The following FBXW11 variants were observed in gnomAD, a reference collection of about 807,000 sequenced individuals.
FBXW11 encodes F-box/WD repeat-containing protein 11.
In FBXW11, 19 loss-of-function variants were observed where a neutral mutation model predicts 77.6. The ratio of observed to expected loss-of-function variants is 0.24; its 90% CI spans 0.17 to 0.36. The LOEUF is 0.36. FBXW11 is among the 10% of genes least tolerant of loss of function. The pLI, the probability that FBXW11 is intolerant of heterozygous loss-of-function variation, is 1.00. For synonymous variants in FBXW11, 235 were observed against 249.4 expected (o/e 0.94, Z 0.54); for missense variants, 334 against 704.2 (o/e 0.47, Z 5.95).
chr5:171,995,519 T>C (rs1229505775), intron 1 of FBXW11, among the ~76,000 whole-genome samples: 10 of 152,086 alleles, frequency 6.6e-5, no homozygotes, highest in East Asian at 3.9e-4. Flanking sequence ...TTTGGGAGGC[T>C]GAGGTGGGCG....
chr5:171,943,655 C>A (rs542086844), intron 2 of FBXW11, among the ~76,000 whole-genome samples: 2 of 152,194 alleles, frequency 1.3e-5, no homozygotes, highest in South Asian at 4.1e-4. Flanking sequence ...TTCACCAAGT[C>A]GGACAGGATG....
At chr5:171,986,159 G>A (rs1765428701) in intron 1 of FBXW11, among the ~76,000 whole-genome samples, 1 of 152,070 alleles carries the variant, frequency 6.6e-6, no homozygotes, top group Admixed American at 6.6e-5. Flanking sequence ...TATAATACCA[G>A]CACTTTGGGA....
At chr5:171,968,363 CAGG>C (rs899340366) in intron 1 of FBXW11, among the ~76,000 whole-genome samples, 3 of 150,928 alleles carry the variant, frequency 2.0e-5, no homozygotes, top group Non-Finnish European at 4.4e-5. Flanking sequence ...GAGGCTGAGG[CAGG>C]AGAATGGTGC....
intron 1 of FBXW11, among the ~76,000 whole-genome samples, chr5:171,991,988 G>A (rs571442184): frequency 2.5e-4 from 38 of 151,974 alleles, no homozygotes; most frequent in African/African-American, 7.7e-4. Context: ...GGTGGTGCAC[G>A]CCTGTAGTCC....
At chr5:171,868,345 G>A (rs1757544911) in intron 13 of FBXW11, among the ~76,000 whole-genome samples, 1 of 151,632 alleles carries the variant, frequency 6.6e-6, no homozygotes, top group Non-Finnish European at 1.5e-5. Context: ...TATGACCTAA[G>A]AAATCATTTA....
intron 1 of FBXW11, among the ~76,000 whole-genome samples, chr5:171,963,867 A>G (rs976524238): frequency 6.6e-6 from 1 of 152,200 alleles, no homozygotes; most frequent in Middle Eastern, 3.2e-3. Flanking sequence ...CAAAGAGTGT[A>G]AGCAGATAGT....
chr5:171,869,869 T>A lies in FBXW11; in HGVS notation c.1452-62A>T. Reference sequence around the variant, plus strand: ...GAACAATTTATATGCTGTCAAACATTTCCTTGAAAAAAAGTAGTGCATCTG... The same window carrying A: ...GAACAATTTATATGCTGTCAAACATATCCTTGAAAAAAAGTAGTGCATCTG... On this transcript the variant is annotated intron_variant, in intron 11 of 13. Coordinates refer to ENST00000517395, the MANE Select transcript of FBXW11 (RefSeq NM_001378974.1). This position sits in a 1 kb window ranked among gnomAD's most constrained non-coding sequence, Gnocchi z 4.1. 8.6e-7 allele frequency: 1 copy of A among 1,167,804 alleles called. No homozygotes were observed. Among genetic ancestry groups the A allele is most frequent in the Non-Finnish European group, 1.2e-6 (1 of 815,674 alleles). 72.3% of individuals were successfully genotyped at this position (1,167,804 alleles called of 1,614,324 possible). A position where few individuals can be genotyped will look rare whatever the true frequency, so the allele number is the denominator to read the frequency against.
At chr5:171,866,368 G>A (rs1757391723) in intron 13 of FBXW11, among the ~76,000 whole-genome samples, 1 of 152,168 alleles carries the variant, frequency 6.6e-6, no homozygotes, top group Non-Finnish European at 1.5e-5. Context: ...CACATTTGTG[G>A]TCTCACTGCT....
chr5:171,898,224 A>G (rs1759880139), intron 6 of FBXW11, among the ~76,000 whole-genome samples: 1 of 152,222 alleles, frequency 6.6e-6, no homozygotes, highest in Non-Finnish European at 1.5e-5. Context: ...CCTGGGGGAG[A>G]GGATTACTTC....
chr5:172,005,862 A>G (rs1271188611), intron 1 of FBXW11, among the ~76,000 whole-genome samples: 2 of 152,052 alleles, frequency 1.3e-5, no homozygotes, highest in African/African-American at 4.8e-5. Context: ...GCCGGACACC[A>G]CAAGGGCCCG....
chr5:171,959,505 A>T (rs1763784619), intron 1 of FBXW11, among the ~76,000 whole-genome samples: 1 of 152,094 alleles, frequency 6.6e-6, no homozygotes, highest in Admixed American at 6.5e-5. Flanking sequence ...TTTTCCATTA[A>T]GAAAAAAATT....
intron 1 of FBXW11, among the ~76,000 whole-genome samples, chr5:171,962,796 C>T (rs559853416): frequency 3.5e-4 from 53 of 152,292 alleles, no homozygotes; most frequent in African/African-American, 5.1e-4. Flanking sequence ...AAGCTAACTT[C>T]GGTCTGTTTT....
intron 1 of FBXW11, among the ~76,000 whole-genome samples, chr5:171,991,069 A>C (rs991053654): frequency 5.3e-5 from 8 of 151,970 alleles, no homozygotes; most frequent in African/African-American, 1.9e-4. Context: ...CAGGTGATCC[A>C]CCTGCCTCAG....
intron 6 of FBXW11, among the ~76,000 whole-genome samples, chr5:171,891,966 T>C (rs563532102): frequency 4.6e-5 from 7 of 152,174 alleles, no homozygotes; most frequent in African/African-American, 1.4e-4. Context: ...AAAACCATCA[T>C]TAAGCATATA....
At chr5:171,948,357 C>A (rs879283697) in intron 2 of FBXW11, among the ~76,000 whole-genome samples, 1 of 148,378 alleles carries the variant, frequency 6.7e-6, no homozygotes, top group Admixed American at 6.7e-5. Flanking sequence ...AAACAAAGAA[C>A]AGATATTAAA....
chr5:171,969,816 C>T (rs181593204), intron 1 of FBXW11, among the ~76,000 whole-genome samples: 396 of 152,228 alleles, frequency 2.6e-3, no homozygotes, highest in Non-Finnish European at 4.3e-3. Context: ...ATTCTCATGC[C>T]TCAGCCTCCC....
At chr5:171,920,168 A>T (rs1761509321) in intron 2 of FBXW11, among the ~76,000 whole-genome samples, 1 of 152,040 alleles carries the variant, frequency 6.6e-6, no homozygotes, top group African/African-American at 2.4e-5. Flanking sequence ...GTCTCAAAAA[A>T]CAAAAAAAAA....
At chr5:171,971,345 G>A (rs1476861122) in intron 1 of FBXW11, among the ~76,000 whole-genome samples, 1 of 152,126 alleles carries the variant, frequency 6.6e-6, no homozygotes, top group East Asian at 1.9e-4. Flanking sequence ...GGTTACAAAA[G>A]TCTTATAAAC....
chr5:171,870,730 A>C lies in FBXW11; in HGVS notation c.1451+18T>G. ...TGATACAGTTATAGCAGTACATCTG[A>C]AAATCTGAAAGACATACCCATCATA... On this transcript the variant is annotated intron_variant, in intron 11 of 13. Coordinates refer to ENST00000517395, the MANE Select transcript of FBXW11 (RefSeq NM_001378974.1). The C allele has an allele frequency of 6.4e-7, 1 of 1,561,112 alleles. No homozygotes were observed. The highest frequency in any genetic ancestry group is 8.8e-7 in the Non-Finnish European group (1 of 1,131,954).
Sources: allele counts gnomAD v4.1 joint callset (sites outside exome capture counted in the v4.1 genomes callset), GRCh38; gene constraint gnomAD v4.1.1; non-coding constraint Gnocchi (gnomAD v3.1); transcripts MANE v1.5; gene names NCBI Gene and HGNC (gene_info 2026-07-23, HGNC 2026-07-21).